The following TMEM65 variants were observed in gnomAD, a reference collection of about 807,000 sequenced individuals.
TMEM65 encodes the protein transmembrane protein 65.
Under a neutral mutation model 25.4 loss-of-function variants are expected in TMEM65, and 22 were observed. That is an observed-to-expected ratio of 0.86 (90% CI 0.62 to 1.23). TMEM65 has a LOEUF of 1.23. TMEM65 is among the 50% of genes most tolerant of loss of function. The probability of loss-of-function intolerance (pLI) is 0.00; values close to 1 mark genes in which losing one functional copy is unlikely to be tolerated. For missense variants in TMEM65, 262 were observed against 308.2 expected (o/e 0.85, Z 1.12); for synonymous variants, 132 against 126.2 (o/e 1.05, Z -0.31).
chr8:124,328,359 G>T (rs1563591627), intron 2 of TMEM65, among the ~76,000 whole-genome samples: 1 of 150,914 alleles, frequency 6.6e-6, no homozygotes, highest in Non-Finnish European at 1.5e-5. Context: ...AGCTAAGATT[G>T]CACCACTGAA....
chr8:124,361,559 C>G (rs1814861621), intron 1 of TMEM65, among the ~76,000 whole-genome samples: 1 of 151,376 alleles, frequency 6.6e-6, no homozygotes. Context: ...TTGGGCCGGG[C>G]ACGGTGGCTC....
chr8:124,329,519 T>C (rs1373305044), intron 2 of TMEM65, among the ~76,000 whole-genome samples: 1 of 151,954 alleles, frequency 6.6e-6, no homozygotes, highest in Non-Finnish European at 1.5e-5. Context: ...ATTACACTAA[T>C]TGCTATCTTA....
chr8:124,323,153 A>G (rs1185225280), intron 4 of TMEM65, among the ~76,000 whole-genome samples, 168 bp downstream of exon 4: 1 of 152,138 alleles, frequency 6.6e-6, no homozygotes, highest in East Asian at 1.9e-4. Flanking sequence ...AATTTTCAGA[A>G]AAAGTGCTAC....
In TMEM65 at chr8:124,306,495, T is replaced by G. The variant is rs887010061; in HGVS notation, c.*7465A>C. On this transcript the variant is annotated 3_prime_UTR_variant, in exon 7 of 7. Coordinates refer to ENST00000297632, the MANE Select transcript of TMEM65 (RefSeq NM_194291.3). ...ATTTTGATAAATATATTGAAAATTT[T>G]TTTGGAAATTTGCAACAATTTAAAA... 1 of 152,274 alleles carries G rather than the reference T, an allele frequency of 6.6e-6. No individual in the cohort carries two copies. Among genetic ancestry groups the G allele is most frequent in the Non-Finnish European group, 1.5e-5 (1 of 68,112 alleles). The allele number at this position is 152,274 out of a possible 1,614,324, so 9.4% of individuals were successfully genotyped here.
intron 6 of TMEM65, among the ~76,000 whole-genome samples, chr8:124,315,993 C>G (rs1563588320): frequency 6.6e-6 from 1 of 152,136 alleles, no homozygotes; most frequent in Non-Finnish European, 1.5e-5. Context: ...CCAATAGGCC[C>G]CACTTTCACT....
intron 1 of TMEM65, among the ~76,000 whole-genome samples, chr8:124,363,981 A>G (rs1054698866): frequency 3.3e-5 from 5 of 152,240 alleles, no homozygotes; most frequent in Middle Eastern, 3.4e-3. Context: ...TTTGTTGTGC[A>G]ACCATAGCCT....
At chr8:124,366,400 C>A (rs1452011517) in intron 1 of TMEM65, among the ~76,000 whole-genome samples, 2 of 152,172 alleles carry the variant, frequency 1.3e-5, no homozygotes, top group African/African-American at 4.8e-5. Context: ...CAGCCATCCA[C>A]CAAAGTACCA....
At chr8:124,317,463 T>C (rs1814253259) in intron 6 of TMEM65, among the ~76,000 whole-genome samples, 1 of 152,216 alleles carries the variant, frequency 6.6e-6, no homozygotes. Context: ...CCCATAAGAC[T>C]ATGAGCTCTT....
chr8:124,352,764 A>G (rs890105225), intron 1 of TMEM65, among the ~76,000 whole-genome samples: 3 of 152,104 alleles, frequency 2.0e-5, no homozygotes, highest in Non-Finnish European at 4.4e-5. Flanking sequence ...AGAAGCCTAG[A>G]ACAGCGTTTT....
chr8:124,354,093 G>A (rs915562188), intron 1 of TMEM65, among the ~76,000 whole-genome samples: 12 of 152,054 alleles, frequency 7.9e-5, no homozygotes, highest in African/African-American at 2.9e-4. Context: ...TGAGGAAAGA[G>A]AGAAACCCAA....
chr8:124,328,510 G>A (rs1463139325), intron 2 of TMEM65, among the ~76,000 whole-genome samples: 5 of 152,012 alleles, frequency 3.3e-5, no homozygotes, highest in African/African-American at 1.2e-4. Context: ...TTGAGGGCAT[G>A]GTAGATGCTC....
chr8:124,356,211 C>T (rs1013807426), intron 1 of TMEM65, among the ~76,000 whole-genome samples: 3 of 151,906 alleles, frequency 2.0e-5, no homozygotes, highest in African/African-American at 7.3e-5. Flanking sequence ...CCTGTTTTAC[C>T]CATCTCTCCC....
At chr8:124,323,414 T>C (rs774677932) in intron 3 of TMEM65, 39 bp from the exon 4 acceptor site, 25 of 1,184,726 alleles carry the variant, frequency 2.1e-5, no homozygotes, top group Middle Eastern at 3.9e-4. Flanking sequence ...AAATTAAAGC[T>C]GAAGTGACTA....
At position 124,309,092 on chromosome 8, in the gene TMEM65, A is replaced by T. The variant is rs1411406012; in HGVS notation, c.*4868T>A. Reference sequence around the variant, plus strand: ...TCATGATCCACTTAATGAATAGTAAATGTATTTTCTCTTCCTGATGATTTT... The same window carrying T: ...TCATGATCCACTTAATGAATAGTAATTGTATTTTCTCTTCCTGATGATTTT... On this transcript the variant is annotated 3_prime_UTR_variant, in exon 7 of 7. Transcript: ENST00000297632. 6.6e-6 allele frequency: 1 copy of T among 152,204 alleles called. No individual in the cohort carries two copies. Among genetic ancestry groups the T allele is most frequent in the Non-Finnish European group, 1.5e-5 (1 of 68,046 alleles). The allele number at this position is 152,204 out of a possible 1,614,324, so 9.4% of individuals were successfully genotyped here. A position where few individuals can be genotyped will look rare whatever the true frequency, so the allele number is the denominator to read the frequency against.
At chr8:124,339,543 A>C (rs1814560256) in intron 1 of TMEM65, among the ~76,000 whole-genome samples, 1 of 151,924 alleles carries the variant, frequency 6.6e-6, no homozygotes, top group South Asian at 2.1e-4. Context: ...TCTTTTAGCA[A>C]TTTGGCATCA....
chr8:124,308,641 A>T lies in TMEM65; in HGVS notation c.*5319T>A, dbSNP rs1224555503. 6.6e-6 allele frequency: 1 copy of T among 152,190 alleles called. No homozygotes were observed. The highest frequency in any genetic ancestry group is 1.5e-5 in the Non-Finnish European group (1 of 68,030). The allele number at this position is 152,190 out of a possible 1,614,324, so 9.4% of individuals were successfully genotyped here. A position where few individuals can be genotyped will look rare whatever the true frequency, so the allele number is the denominator to read the frequency against. On this transcript the variant is annotated 3_prime_UTR_variant, in exon 7 of 7. Transcript: ENST00000297632. ...GTTTCAAGATCTGAATCCTGGAGTG[A>T]ATCAAAAGCTAAGCAATTCAAAAGC...
chr8:124,306,630 A>G lies in TMEM65; in HGVS notation c.*7330T>C, dbSNP rs1168250127. On this transcript the variant is annotated 3_prime_UTR_variant, in exon 7 of 7. Coordinates refer to ENST00000297632, the MANE Select transcript of TMEM65 (RefSeq NM_194291.3). The stretch of plus-strand genomic sequence containing the variant: ...CTAGTCTATTTTATCATTTACTACC[A>G]TAAATATATACAAATCTATTATGAA... The G allele has an allele frequency of 6.6e-6, 1 of 152,226 alleles. No homozygotes were observed. Among genetic ancestry groups the G allele is most frequent in the Non-Finnish European group, 1.5e-5 (1 of 68,042 alleles). 9.4% of individuals were successfully genotyped at this position (152,226 alleles called of 1,614,324 possible).
chr8:124,355,764 G>A (rs1225634461), intron 1 of TMEM65, among the ~76,000 whole-genome samples: 2 of 152,198 alleles, frequency 1.3e-5, no homozygotes, highest in Admixed American at 1.3e-4. Context: ...CAAAAGAGGG[G>A]CAGGCACCTG....
chr8:124,327,293 G>T, intron 3 of TMEM65, 61 bp downstream of exon 3: 2 of 1,144,062 alleles, frequency 1.7e-6, no homozygotes, highest in African/African-American at 1.6e-5. Context: ...AAATTATTAG[G>T]AAAATGTAGA....
Sources: allele counts gnomAD v4.1 joint callset (sites outside exome capture counted in the v4.1 genomes callset), GRCh38; gene constraint gnomAD v4.1.1; transcripts MANE v1.5; gene names NCBI Gene and HGNC (gene_info 2026-07-23, HGNC 2026-07-21).